LNP1: variants seen among roughly 807,000 people sequenced by gnomAD.
The protein encoded by LNP1 is leukemia NUP98 fusion partner 1.
Under a neutral mutation model 14.5 loss-of-function variants are expected in LNP1, and 12 were observed. The ratio of observed to expected loss-of-function variants is 0.83; its 90% CI spans 0.53 to 1.34. The LOEUF is 1.34. Ranked by LOEUF, LNP1 falls within the 40% of genes most tolerant of loss-of-function variation. The pLI, the probability that LNP1 is intolerant of heterozygous loss-of-function variation, is 0.00. For missense variants in LNP1, 198 were observed against 210.9 expected, an observed-to-expected ratio of 0.94 and a Z score of 0.38; for synonymous variants, 75 against 71.4, an observed-to-expected ratio of 1.05 and a Z score of -0.26.
chr3:100,407,263 T>G (rs1339337269), intron 1 of LNP1, among the ~76,000 whole-genome samples: 1 of 152,246 alleles, frequency 6.6e-6, no homozygotes, highest in Non-Finnish European at 1.5e-5. Flanking sequence ...GCATTTCTTG[T>G]AAGACAGGTC....
intron 3 of LNP1, among the ~76,000 whole-genome samples, chr3:100,454,982 T>C (rs908836367): frequency 7.2e-5 from 11 of 152,184 alleles, no homozygotes; most frequent in African/African-American, 2.7e-4. Flanking sequence ...GATAAATAGA[T>C]ACGGTGGCCA....
intron 2 of LNP1, among the ~76,000 whole-genome samples, chr3:100,431,764 G>A (rs1576232017): frequency 1.3e-5 from 2 of 150,346 alleles, no homozygotes; most frequent in African/African-American, 2.5e-5. Flanking sequence ...GGCCCAAGGC[G>A]GGAGGATCAC....
chr3:100,407,413 C>T (rs1706980999), intron 1 of LNP1, among the ~76,000 whole-genome samples: 1 of 152,130 alleles, frequency 6.6e-6, no homozygotes, highest in Non-Finnish European at 1.5e-5. Context: ...CTATATCATA[C>T]CACTCTTCCC....
chr3:100,417,773 T>G (rs1707100575), intron 1 of LNP1, among the ~76,000 whole-genome samples: 1 of 152,198 alleles, frequency 6.6e-6, no homozygotes, highest in African/African-American at 2.4e-5. Context: ...CTTGCTTTGC[T>G]TTTCTTTTTC....
At chr3:100,419,469 T>C (rs1184715365) in intron 1 of LNP1, among the ~76,000 whole-genome samples, 2 of 152,116 alleles carry the variant, frequency 1.3e-5, no homozygotes, top group Non-Finnish European at 2.9e-5. Flanking sequence ...CTTACTCAAA[T>C]TTCACTAGCT....
At chr3:100,414,295 C>T (rs1707059232) in intron 1 of LNP1, among the ~76,000 whole-genome samples, 1 of 152,044 alleles carries the variant, frequency 6.6e-6, no homozygotes, top group Non-Finnish European at 1.5e-5. Context: ...GCCTGTGATC[C>T]CAGCACTTTG....
In LNP1 at chr3:100,417,371, C is replaced by CTTTTTTTTTTTTTTTT. The variant is rs562000656; in HGVS notation, c.-33-12319_-33-12304dup. 5.9e-3 allele frequency among the ~76,000 whole-genome samples: 378 copies of CTTTTTTTTTTTTTTTT among 64,588 alleles called. 6 individuals are homozygous for CTTTTTTTTTTTTTTTT. Among genetic ancestry groups the CTTTTTTTTTTTTTTTT allele is most frequent in the East Asian group, 6.7e-3 (13 of 1,944 alleles). 42.4% of individuals were successfully genotyped at this position (64,588 alleles called of 152,430 possible). A position where few individuals can be genotyped will look rare whatever the true frequency, so the allele number is the denominator to read the frequency against. On this transcript the variant is annotated intron_variant, in intron 1 of 3. Transcript: ENST00000383693. The stretch of plus-strand genomic sequence containing the variant: ...CTTTTTCTTTCTTTCTTTCTTTTTT[C>CTTTTTTTTTTTTTTTT]TTTTTTTTTTTTTTTTTTTTTTCGA...
At chr3:100,431,112 T>C (rs1707238421) in intron 2 of LNP1, among the ~76,000 whole-genome samples, 1 of 152,232 alleles carries the variant, frequency 6.6e-6, no homozygotes, top group Admixed American at 6.5e-5. Context: ...TAGTTTCCAG[T>C]TTCCAGATGT....
intron 1 of LNP1, among the ~76,000 whole-genome samples, chr3:100,418,181 T>C (rs1357137222): frequency 6.6e-6 from 1 of 151,338 alleles, no homozygotes; most frequent in Non-Finnish European, 1.5e-5. Flanking sequence ...TGCCTCAGTC[T>C]CCTGAGTAGC....
chr3:100,420,235 C>A (rs968333941), intron 1 of LNP1, among the ~76,000 whole-genome samples: 2 of 152,148 alleles, frequency 1.3e-5, no homozygotes, highest in African/African-American at 4.8e-5. Flanking sequence ...ATTTGTATAT[C>A]CTTCTCAGTG....
intron 2 of LNP1, among the ~76,000 whole-genome samples, chr3:100,434,682 C>T (rs1311065418): frequency 6.6e-6 from 1 of 151,900 alleles, no homozygotes; most frequent in East Asian, 1.9e-4. Context: ...GCGTGCACCA[C>T]CATGCCTGGC....
intron 2 of LNP1, among the ~76,000 whole-genome samples, chr3:100,439,171 A>G (rs2148905657): frequency 6.6e-6 from 1 of 152,226 alleles, no homozygotes; most frequent in South Asian, 2.1e-4. Context: ...GGAAAAGGAC[A>G]TTTGTACAAA....
chr3:100,435,931 G>GA (rs1303117832), intron 2 of LNP1, among the ~76,000 whole-genome samples: 1 of 152,150 alleles, frequency 6.6e-6, no homozygotes, highest in African/African-American at 2.4e-5. Context: ...CCATAAACTG[G>GA]CTAGAACCAG....
Position 100,429,840 on chromosome 3 carries a change from C to G in LNP1, c.111C>G (p.His37Gln). 2 of 1,613,944 alleles carry G rather than the reference C, an allele frequency of 1.2e-6. No individual in the cohort carries two copies. Among genetic ancestry groups the G allele is most frequent in the Non-Finnish European group, 1.7e-6 (2 of 1,179,928 alleles). Residue 37 changes from histidine (H) to glutamine (Q), a missense_variant, in exon 2 of 4, where the codon CAC becomes CAG. His to Gln is a conservative substitution (Grantham distance 24). Coordinates refer to ENST00000383693, the MANE Select transcript of LNP1 (RefSeq NM_001085451.2). Reference sequence around the variant, plus strand: ...ATCAGAGAGGACTCCGGGAACGCCACCGACTGCAAGCCACCAGTCACAGGA... The same window carrying G: ...ATCAGAGAGGACTCCGGGAACGCCAGCGACTGCAAGCCACCAGTCACAGGA... ...EEDQRGLRER[H>Q]RLQATSHRKT... is the part of the protein sequence containing the mutation.
At chr3:100,431,923 A>G (rs946809627) in intron 2 of LNP1, among the ~76,000 whole-genome samples, 14 of 145,286 alleles carry the variant, frequency 9.6e-5, no homozygotes, top group Non-Finnish European at 1.8e-4. Flanking sequence ...TGAGCCCAAG[A>G]GGTCGAGGCT....
chr3:100,411,744 CTTA>C (rs1707033670), intron 1 of LNP1, among the ~76,000 whole-genome samples: 1 of 152,154 alleles, frequency 6.6e-6, no homozygotes, highest in East Asian at 1.9e-4. Flanking sequence ...GATGTTTCTT[CTTA>C]TAAGGGCACT....
At chr3:100,429,985 G>A in intron 2 of LNP1, 100 bp downstream of exon 2, 1 of 1,280,006 alleles carries the variant, frequency 7.8e-7, no homozygotes, top group Non-Finnish European at 1.1e-6. Flanking sequence ...AGTTTTCTTT[G>A]GTTTAAAACC....
At chr3:100,409,348 G>A (rs758065225) in intron 1 of LNP1, among the ~76,000 whole-genome samples, 3 of 151,766 alleles carry the variant, frequency 2.0e-5, no homozygotes, top group Non-Finnish European at 2.9e-5. Context: ...CCATAATTTT[G>A]TAAATAAATA....
Position 100,408,143 on chromosome 3 carries a change from C to T in LNP1, c.-34+5704C>T, listed in dbSNP as rs556653559. 8.6e-4 allele frequency among the ~76,000 whole-genome samples: 131 copies of T among 152,266 alleles called. No individual in the cohort carries two copies. In the South Asian group the frequency reaches 0.011, roughly 13 times the overall value. On this transcript the variant is annotated intron_variant, in intron 1 of 3. Transcript: ENST00000383693. ...TCTGTTTAGTGATGTCATGATTCCC[C>T]GATTGTTCTTGTGGTCATGTGTCAG...
Sources: allele counts gnomAD v4.1 joint callset (sites outside exome capture counted in the v4.1 genomes callset), GRCh38; gene constraint gnomAD v4.1.1; transcripts MANE v1.5; gene names NCBI Gene and HGNC (gene_info 2026-07-23, HGNC 2026-07-21).